Variants in RUFY1 observed in about 807,000 individuals in gnomAD.
RUFY1 encodes the protein RUN and FYVE domain containing 1.
In RUFY1, 54 loss-of-function variants were observed where a neutral mutation model predicts 94.6. That is an observed-to-expected ratio of 0.57 (90% CI 0.46 to 0.72). The LOEUF (loss-of-function observed/expected upper bound fraction) is 0.72. Among genes scored for constraint, RUFY1 ranks in the 30% least tolerant of loss-of-function variants. The pLI, the probability that RUFY1 is intolerant of heterozygous loss-of-function variation, is 0.00. For synonymous variants in RUFY1, 396 were observed against 347.3 expected (o/e 1.14, Z -1.56); for missense variants, 883 against 883.9 (o/e 1.00, Z 0.01).
At chr5:179,583,078 G>A (rs1764285880) in intron 7 of RUFY1, among the ~76,000 whole-genome samples, 1 of 151,844 alleles carries the variant, frequency 6.6e-6, no homozygotes, top group Non-Finnish European at 1.5e-5. Context: ...CAAGGCAGAT[G>A]GATTACCTGA....
chr5:179,585,941 G>A lies in RUFY1; in HGVS notation c.1026+76G>A, dbSNP rs926159505. The A allele has an allele frequency of 1.4e-4, 164 of 1,145,032 alleles. 2 individuals are homozygous for A. The South Asian group carries it at 1.8e-3, about 12-fold the overall frequency. 70.9% of individuals were successfully genotyped at this position (1,145,032 alleles called of 1,614,324 possible). On this transcript the variant is annotated intron_variant, in intron 8 of 17. Transcript: ENST00000319449. ...AAGAGAATCTGTGTAGTCGGTCTGC[G>A]ATAGCAGAGCTTCCTGCTGGTAGGA...
In RUFY1 at chr5:179,607,229, A is replaced by C. The variant is rs371423986; in HGVS notation, c.1906-353A>C. The C allele has an allele frequency of 1.6e-4, 44 of 278,246 alleles. No homozygotes were observed. In the East Asian group the frequency reaches 3.6e-3, roughly 23 times the overall value. 17.2% of individuals were successfully genotyped at this position (278,246 alleles called of 1,614,324 possible). ...TAGCACTTCGGCCAGTGTCTCAGGC[A>C]GGGTCTAGGGTTGCAGGCACCAGAA... On this transcript the variant is annotated intron_variant, in intron 16 of 17. Coordinates refer to ENST00000319449, the MANE Select transcript of RUFY1 (RefSeq NM_025158.5).
At position 179,574,336 on chromosome 5, in the gene RUFY1, A is replaced by G. The variant is rs556215495; in HGVS notation, c.829-2739A>G. On this transcript the variant is annotated intron_variant, in intron 5 of 17. Transcript: ENST00000319449. ...CTGGAACCTGGGAGGCAGAGGCTGC[A>G]GTGAGCTGAGACCGTGCCACTGCAC... Among the ~76,000 whole-genome samples the G allele has an allele frequency of 4.6e-5, 7 of 152,326 alleles. No homozygotes were observed. In the East Asian group the frequency reaches 1.4e-3, roughly 29 times the overall value.
At chr5:179,597,321 TGC>T (rs1765762607) in intron 13 of RUFY1, among the ~76,000 whole-genome samples, 1 of 152,116 alleles carries the variant, frequency 6.6e-6, no homozygotes, top group Non-Finnish European at 1.5e-5. Context: ...CTGCAACCTC[TGC>T]CTCCCGGGTT....
intron 6 of RUFY1, among the ~76,000 whole-genome samples, chr5:179,577,701 G>C (rs1235975393): frequency 6.6e-6 from 1 of 151,246 alleles, no homozygotes; most frequent in South Asian, 2.1e-4. Flanking sequence ...CTGTGTGATT[G>C]GGCCCGGTGG....
intron 1 of RUFY1, among the ~76,000 whole-genome samples, chr5:179,556,812 C>G (rs1375365366): frequency 1.3e-5 from 2 of 152,130 alleles, no homozygotes; most frequent in African/African-American, 2.4e-5. Context: ...TGAATTGCAT[C>G]TCTAAATGAG....
rs1174815798 is a variant in RUFY1 at position 179,609,429 on chromosome 5, G to GCTGGC, written c.2039_2043dup (p.Leu682TrpfsTer88). ...TCTGCAACACCTGCTCCAGCAACGA[G>GCTGGC]CTGGCCCTGCCCTCCTACCCCAAGC... On this transcript the variant is annotated frameshift_variant, in exon 18 of 18. Transcript: ENST00000319449. LOFTEE classifies it high-confidence loss of function. 6.2e-7 allele frequency: 1 copy of GCTGGC among 1,613,220 alleles called. No homozygotes were observed. Among genetic ancestry groups the GCTGGC allele is most frequent in the Non-Finnish European group, 8.5e-7 (1 of 1,179,814 alleles).
intron 5 of RUFY1, among the ~76,000 whole-genome samples, chr5:179,576,195 T>C (rs898406891): frequency 3.9e-5 from 6 of 152,226 alleles, no homozygotes; most frequent in African/African-American, 1.4e-4. Context: ...ACATTTAGGG[T>C]ACACCCAGTT....
chr5:179,581,230 A>G (rs1166560255), intron 7 of RUFY1, among the ~76,000 whole-genome samples: 1 of 152,218 alleles, frequency 6.6e-6, no homozygotes, highest in Non-Finnish European at 1.5e-5. Context: ...TTGCAGTTAC[A>G]TAATACACAG....
intron 2 of RUFY1, among the ~76,000 whole-genome samples, chr5:179,561,370 A>T (rs1762441197): frequency 6.6e-6 from 1 of 151,996 alleles, no homozygotes; most frequent in Admixed American, 6.6e-5. Flanking sequence ...GAGTAGGGAG[A>T]GGCTGGACCA....
chr5:179,609,124 G>A (rs1255946970), intron 17 of RUFY1, among the ~76,000 whole-genome samples: 5 of 146,104 alleles, frequency 3.4e-5, no homozygotes, highest in African/African-American at 1.0e-4. Flanking sequence ...GGAGAATGGC[G>A]TGAACCTGGG....
chr5:179,574,397 A>AAAAAATAAACAT (rs1763465565), intron 5 of RUFY1, among the ~76,000 whole-genome samples: 1 of 152,224 alleles, frequency 6.6e-6, no homozygotes, highest in Admixed American at 6.5e-5. Flanking sequence ...TCCGTCTCAA[A>AAAAAATAAACAT]AAAAATAAAC....
intron 7 of RUFY1, among the ~76,000 whole-genome samples, chr5:179,583,694 G>C (rs1360636101): frequency 2.0e-5 from 3 of 149,586 alleles, no homozygotes; most frequent in Non-Finnish European, 4.4e-5. Context: ...GGGATTGCAG[G>C]TGTTGAGCCA....
In RUFY1 at chr5:179,580,848, A is replaced by G. The variant is rs1038535670; in HGVS notation, c.891-99A>G. On this transcript the variant is annotated intron_variant, in intron 6 of 17. Transcript: ENST00000319449. ...GGCTGTCTCTTGGTTTCTTGAAGAC[A>G]TTGGTACTTCTACAAGGTGATTGGA... is the stretch of plus-strand genomic sequence containing the variant. The G allele has an allele frequency of 1.3e-5, 9 of 666,734 alleles. No individual in the cohort carries two copies. In the African/African-American group the frequency reaches 1.6e-4, roughly 12 times the overall value. The allele number at this position is 666,734 out of a possible 1,614,324, so 41.3% of individuals were successfully genotyped here.
At chr5:179,577,019 A>G (rs962145133) in intron 5 of RUFY1, 56 bp from the exon 6 acceptor site, 3 of 1,185,478 alleles carry the variant, frequency 2.5e-6, no homozygotes, top group African/African-American at 1.5e-5. Context: ...CAAAGGTTGT[A>G]AAGTTTATGA....
intron 11 of RUFY1, among the ~76,000 whole-genome samples, chr5:179,594,447 C>T (rs997182802): frequency 1.3e-5 from 2 of 149,334 alleles, no homozygotes; most frequent in Non-Finnish European, 3.0e-5. Flanking sequence ...CCAGACAGAA[C>T]CAATCATGCC....
chr5:179,582,288 A>G (rs1358324873), intron 7 of RUFY1, among the ~76,000 whole-genome samples: 1 of 151,932 alleles, frequency 6.6e-6, no homozygotes, highest in Non-Finnish European at 1.5e-5. Context: ...GCTGTGGTAC[A>G]ATCGTGGCTC....
intron 14 of RUFY1, 46 bp downstream of exon 14, chr5:179,598,867 G>A (rs768296928): frequency 5.3e-5 from 85 of 1,611,398 alleles, no homozygotes; most frequent in Non-Finnish European, 7.2e-5. Context: ...GCAGCCTCCA[G>A]AAACCCCTAA....
intron 1 of RUFY1, among the ~76,000 whole-genome samples, chr5:179,555,088 A>G (rs1475602707): frequency 6.6e-6 from 1 of 152,200 alleles, no homozygotes; most frequent in Non-Finnish European, 1.5e-5. Context: ...GGCTGTTTTC[A>G]CGCAAGCAAT....
Sources: gnomAD v4.1 joint callset for allele counts (sites outside exome capture counted in the v4.1 genomes callset) on GRCh38, gnomAD v4.1.1 for gene constraint, MANE v1.5 for transcripts, NCBI Gene and HGNC (gene_info 2026-07-23, HGNC 2026-07-21) for gene names.